Variants in TXNDC16 observed in about 807,000 individuals in gnomAD.
TXNDC16 encodes the protein thioredoxin domain-containing protein 16.
Under a neutral mutation model 85.6 loss-of-function variants are expected in TXNDC16, and 74 were observed. That is an observed-to-expected ratio of 0.86 (90% CI 0.72 to 1.05). The LOEUF is 1.05. TXNDC16 is among the 50% of genes least tolerant of loss of function. TXNDC16 has a pLI of 0.00. For synonymous variants in TXNDC16, 335 were observed against 326.5 expected, an observed-to-expected ratio of 1.03 and a Z score of -0.28; for missense variants, 959 against 947.0, an observed-to-expected ratio of 1.01 and a Z score of -0.17.
chr14:52,459,617 C>A (rs1043929790), intron 16 of TXNDC16, among the ~76,000 whole-genome samples: 19 of 152,180 alleles, frequency 1.2e-4, no homozygotes, highest in African/African-American at 3.9e-4. Context: ...AGAGACACAA[C>A]AAAAGAAGAA....
intron 3 of TXNDC16, 89 bp downstream of exon 3, chr14:52,543,309 A>G (rs2037873024): frequency 7.2e-7 from 1 of 1,381,710 alleles, no homozygotes; most frequent in Non-Finnish European, 9.9e-7. Flanking sequence ...ACATATTATT[A>G]ATCTTAACAG....
At position 52,530,348 on chromosome 14, in the gene TXNDC16, TTATAA is replaced by T. The variant is rs1333163687; in HGVS notation, c.392+6366_392+6370del. ...TTTTTATATTATATATAATTATATA[TTATAA>T]TATAATATATATTATTATATAATAT... On this transcript the variant is annotated intron_variant, in intron 6 of 20. Coordinates refer to ENST00000281741, the MANE Select transcript of TXNDC16 (RefSeq NM_020784.3). Among the ~76,000 whole-genome samples the T allele has an allele frequency of 5.6e-3, 240 of 42,538 alleles. 36 individuals carry two copies. Among genetic ancestry groups the T allele is most frequent in the African/African-American group, 0.027 (224 of 8,224 alleles). 27.9% of individuals were successfully genotyped at this position (42,538 alleles called of 152,430 possible).
intron 8 of TXNDC16, among the ~76,000 whole-genome samples, chr14:52,512,904 T>A (rs1430921481): frequency 1.3e-5 from 2 of 152,158 alleles, no homozygotes; most frequent in Non-Finnish European, 2.9e-5. Flanking sequence ...CCATGTTGTA[T>A]AATCCAGTTT....
At chr14:52,549,298 T>A (rs1472591876) in intron 1 of TXNDC16, among the ~76,000 whole-genome samples, 1 of 152,116 alleles carries the variant, frequency 6.6e-6, no homozygotes, top group Non-Finnish European at 1.5e-5. Flanking sequence ...ATAGAAAGAA[T>A]GAGTGACATG....
chr14:52,448,093 A>G (rs2035326267), intron 18 of TXNDC16, among the ~76,000 whole-genome samples: 1 of 152,068 alleles, frequency 6.6e-6, no homozygotes, highest in Non-Finnish European at 1.5e-5. Context: ...TACTGGCCTT[A>G]AAGAGGAGAT....
chr14:52,481,386 G>A (rs987787144), intron 14 of TXNDC16, among the ~76,000 whole-genome samples: 19 of 152,108 alleles, frequency 1.2e-4, no homozygotes, highest in African/African-American at 3.9e-4. Flanking sequence ...TACACTTAGG[G>A]TTGAGTGTCT....
chr14:52,537,730 TGGGG>T, intron 4 of TXNDC16, 58 bp from the exon 5 acceptor site: 1 of 1,003,318 alleles, frequency 1.0e-6, no homozygotes, highest in Non-Finnish European at 1.5e-6. Flanking sequence ...GTTTCTTGGT[TGGGG>T]AAACAAGAAG....
intron 9 of TXNDC16, among the ~76,000 whole-genome samples, chr14:52,505,898 C>G (rs1158148185): frequency 6.6e-6 from 1 of 152,086 alleles, no homozygotes; most frequent in Non-Finnish European, 1.5e-5. Context: ...GATATCACCA[C>G]CGATCCCACA....
intron 1 of TXNDC16, among the ~76,000 whole-genome samples, chr14:52,546,193 G>A (rs541825454): frequency 2.6e-5 from 4 of 152,158 alleles, no homozygotes; most frequent in African/African-American, 4.8e-5. Context: ...AAGCTAAGTC[G>A]GGAGGATCGT....
At chr14:52,541,099 C>T (rs1449319265) in intron 4 of TXNDC16, among the ~76,000 whole-genome samples, 1 of 151,886 alleles carries the variant, frequency 6.6e-6, no homozygotes. Flanking sequence ...AGCCAGACAT[C>T]GTGGCACATG....
At chr14:52,437,401 T>G (rs2035053536) in intron 20 of TXNDC16, among the ~76,000 whole-genome samples, 1 of 151,986 alleles carries the variant, frequency 6.6e-6, no homozygotes, top group South Asian at 2.1e-4. Context: ...CACTCTTAAC[T>G]CAAAAGATAT....
intron 9 of TXNDC16, among the ~76,000 whole-genome samples, chr14:52,509,340 A>G (rs1010053979): frequency 6.6e-6 from 1 of 152,132 alleles, no homozygotes; most frequent in Non-Finnish European, 1.5e-5. Context: ...CTATTCGAAG[A>G]GAAGGAAGTG....
At chr14:52,443,086 G>A (rs964931594) in intron 18 of TXNDC16, among the ~76,000 whole-genome samples, 13 of 152,134 alleles carry the variant, frequency 8.5e-5, no homozygotes, top group African/African-American at 3.1e-4. Flanking sequence ...CTATGAGGGT[G>A]TTGTCAAAGA....
chr14:52,530,582 TTATATATAA>T (rs1302717748), intron 6 of TXNDC16, among the ~76,000 whole-genome samples: 1 of 33,492 alleles, frequency 3.0e-5, no homozygotes, highest in African/African-American at 1.5e-4. Context: ...TATATAATTA[TTATATATAA>T]TATATATAAT....
chr14:52,482,031 A>G (rs982893111), intron 14 of TXNDC16, among the ~76,000 whole-genome samples, 199 bp downstream of exon 14: 3 of 152,128 alleles, frequency 2.0e-5, no homozygotes, highest in African/African-American at 7.2e-5. Flanking sequence ...ACTTTCTACT[A>G]AAGACAGTTC....
At chr14:52,464,007 G>A (rs1442455714) in intron 16 of TXNDC16, among the ~76,000 whole-genome samples, 1 of 152,116 alleles carries the variant, frequency 6.6e-6, no homozygotes, top group Non-Finnish European at 1.5e-5. Flanking sequence ...ATCATATCCA[G>A]GCTACATCAT....
At chr14:52,432,629 T>G in intron 20 of TXNDC16, 42 bp from the exon 21 acceptor site, 1 of 1,513,774 alleles carries the variant, frequency 6.6e-7, no homozygotes, top group Non-Finnish European at 8.9e-7. Context: ...TTAACAGCTA[T>G]AAATCGTCAC....
intron 1 of TXNDC16, among the ~76,000 whole-genome samples, chr14:52,551,555 ATGTCTTTCACAAGGATAC>A (rs1194336939): frequency 6.6e-6 from 1 of 152,114 alleles, no homozygotes; most frequent in Admixed American, 6.5e-5. Context: ...AAACGTAGCA[ATGTCTTTCACAAGGATAC>A]TGAATTCGTA....
At position 52,482,818 on chromosome 14, in the gene TXNDC16, T is replaced by G. The variant is rs764197045; in HGVS notation, c.1252+4A>C. ...GTAACAGTCCTCTAAAGGCTCATACTCACAACCAGCATAGAAGAGTACTAT... is the reference window on the plus strand; with the variant it reads ...GTAACAGTCCTCTAAAGGCTCATACGCACAACCAGCATAGAAGAGTACTAT... On this transcript the variant is annotated splice_donor_region_variant and intron_variant, in intron 13 of 20. Coordinates refer to ENST00000281741, the MANE Select transcript of TXNDC16 (RefSeq NM_020784.3). The G allele has an allele frequency of 1.3e-6, 2 of 1,593,952 alleles. No individual in the cohort carries two copies. Among genetic ancestry groups the G allele is most frequent in the Non-Finnish European group, 1.7e-6 (2 of 1,174,522 alleles).
Sources: gnomAD v4.1 joint callset for allele counts (sites outside exome capture counted in the v4.1 genomes callset) on GRCh38, gnomAD v4.1.1 for gene constraint, MANE v1.5 for transcripts, NCBI Gene and HGNC (gene_info 2026-07-23, HGNC 2026-07-21) for gene names.